The following FLACC1 variants were observed in gnomAD, a reference collection of about 807,000 sequenced individuals.
FLACC1 encodes flagellum-associated coiled-coil domain-containing protein 1.
A neutral mutation model predicts 62.8 loss-of-function variants in FLACC1; 66 were observed. That is an observed-to-expected ratio of 1.05 (90% CI 0.86 to 1.29). The LOEUF is 1.29. FLACC1 is among the 50% of genes most tolerant of loss of function. The probability of loss-of-function intolerance (pLI) is 0.00; values close to 1 mark genes in which losing one functional copy is unlikely to be tolerated. For synonymous variants in FLACC1, 156 were observed against 161.0 expected (o/e 0.97, Z 0.24); for missense variants, 452 against 489.1 (o/e 0.92, Z 0.71).
At chr2:201,302,443 G>C (rs1950005608) in intron 11 of FLACC1, among the ~76,000 whole-genome samples, 1 of 152,106 alleles carries the variant, frequency 6.6e-6, no homozygotes, top group African/African-American at 2.4e-5. Flanking sequence ...AGTCCTTAGA[G>C]ACCTACAAAG....
chr2:201,351,500 C>G (rs1396882604), intron 1 of FLACC1, 49 bp from the exon 2 acceptor site: 16 of 901,102 alleles, frequency 1.8e-5, no homozygotes, highest in Non-Finnish European at 2.8e-5. Flanking sequence ...AGAATCAAAG[C>G]AAAAATACAG....
rs914783825 is a variant in FLACC1, at chr2:201,357,268, T to C, written c.-334A>G. 2.6e-5 allele frequency: 4 copies of C among 152,258 alleles called. No individual in the cohort carries two copies. Among genetic ancestry groups the C allele is most frequent in the African/African-American group, 9.6e-5 (4 of 41,468 alleles). 9.4% of individuals were successfully genotyped at this position (152,258 alleles called of 1,614,324 possible). On this transcript the variant is annotated 5_prime_UTR_variant, in exon 1 of 15. Transcript: ENST00000392257. ...TTCTAAAGACAAAACAGTTGAAGTT[T>C]CTCAGTATTGCAATGAAATTAAACT...
At position 201,326,490 on chromosome 2, in the gene FLACC1, T is replaced by A. The variant is rs1011694044; in HGVS notation, c.675+3980A>T. Among the ~76,000 whole-genome samples, 3 of 152,172 alleles carry A rather than the reference T, an allele frequency of 2.0e-5. No individual in the cohort carries two copies. The highest frequency in any genetic ancestry group is 7.2e-5 in the African/African-American group (3 of 41,426). ...GTGAAGTCTCAGTTTACAAAATCAG[T>A]GTACACATATCAGTAGCACTGCTAT... On this transcript the variant is annotated intron_variant, in intron 9 of 14. Coordinates refer to ENST00000392257, the MANE Select transcript of FLACC1 (RefSeq NM_001127391.3). The surrounding 1 kb of genome is among the most constrained non-coding windows in gnomAD (Gnocchi z 4.1).
chr2:201,359,445 T>A (rs746083752), upstream of FLACC1, among the ~76,000 whole-genome samples: 7 of 152,116 alleles, frequency 4.6e-5, no homozygotes, highest in Non-Finnish European at 8.8e-5. Context: ...TGAGATCACA[T>A]ATAGAGAGAG....
At chr2:201,336,861 C>T (rs1054732443) in intron 7 of FLACC1, among the ~76,000 whole-genome samples, 1 of 151,992 alleles carries the variant, frequency 6.6e-6, no homozygotes, top group African/African-American at 2.4e-5. Context: ...AAGATGATAT[C>T]TTATTGTGTT....
At chr2:201,349,496 C>A (rs143195655) in intron 3 of FLACC1, among the ~76,000 whole-genome samples, 1 of 152,180 alleles carries the variant, frequency 6.6e-6, no homozygotes, top group African/African-American at 2.4e-5. Flanking sequence ...CTTCCTTCCC[C>A]ACTAGAATAT....
chr2:201,298,928 G>A (rs572251748), intron 12 of FLACC1, among the ~76,000 whole-genome samples: 5 of 152,318 alleles, frequency 3.3e-5, no homozygotes, highest in East Asian at 1.9e-4. Flanking sequence ...AGAACTTGGT[G>A]TTTTATAACT....
At chr2:201,294,174 G>A (rs982186364) in intron 12 of FLACC1, among the ~76,000 whole-genome samples, 1 of 152,124 alleles carries the variant, frequency 6.6e-6, no homozygotes, top group African/African-American at 2.4e-5. Flanking sequence ...CATTTTATGA[G>A]GCCAGCATCA....
At chr2:201,324,971 T>C (rs941043486) in intron 9 of FLACC1, among the ~76,000 whole-genome samples, 6 of 151,858 alleles carry the variant, frequency 4.0e-5, no homozygotes, top group Non-Finnish European at 7.4e-5. Flanking sequence ...TTACTAAAAA[T>C]ACAAAAATTA....
intron 4 of FLACC1, 185 bp downstream of exon 4, chr2:201,348,069 G>A (rs554947646): frequency 9.7e-6 from 5 of 515,930 alleles, no homozygotes; most frequent in African/African-American, 6.0e-5. Context: ...ATCTAGCTGA[G>A]CTGAGTTCAA....
chr2:201,296,305 A>G (rs1018811610), intron 12 of FLACC1, among the ~76,000 whole-genome samples: 1 of 152,074 alleles, frequency 6.6e-6, no homozygotes, highest in Admixed American at 6.5e-5. Flanking sequence ...AATGTGGCAC[A>G]TATATACCAT....
chr2:201,291,931 G>T (rs551563591), intron 12 of FLACC1, among the ~76,000 whole-genome samples: 57 of 152,202 alleles, frequency 3.7e-4, no homozygotes, highest in Admixed American at 2.0e-3. Flanking sequence ...TATCAGTGAT[G>T]GAAGATCAAA....
chr2:201,344,082 G>T, intron 6 of FLACC1, 88 bp downstream of exon 6: 1 of 1,185,246 alleles, frequency 8.4e-7, no homozygotes, highest in East Asian at 2.4e-5. Flanking sequence ...TGAGTAAAGT[G>T]CTTGGCATTT....
intron 11 of FLACC1, among the ~76,000 whole-genome samples, chr2:201,300,505 T>C (rs565260336): frequency 9.9e-5 from 15 of 152,238 alleles, no homozygotes; most frequent in African/African-American, 3.4e-4. Context: ...GGGCAGGGCA[T>C]AGCTCAACAA....
rs752717009 is a variant in FLACC1 at position 201,289,436 on chromosome 2, C to A, written c.1142+21G>T. On this transcript the variant is annotated intron_variant, in intron 14 of 14. Transcript: ENST00000392257. ...ACTCCTAAAGAGAACTCAGCTATGT[C>A]TTTTTCAGCAGCAGCCGCACTTCAG... is the stretch of plus-strand genomic sequence containing the variant. 12 of 1,609,700 alleles carry A rather than the reference C, an allele frequency of 7.5e-6. No individual in the cohort carries two copies. In the African/African-American group the frequency reaches 1.5e-4, roughly 20 times the overall value.
At chr2:201,329,056 G>A (rs1391887318) in intron 9 of FLACC1, among the ~76,000 whole-genome samples, 2 of 151,990 alleles carry the variant, frequency 1.3e-5, no homozygotes, top group Non-Finnish European at 2.9e-5. Context: ...TCCCAGTCCA[G>A]CCCATGGTAA....
intron 12 of FLACC1, among the ~76,000 whole-genome samples, chr2:201,298,175 A>T (rs1949905367): frequency 6.6e-6 from 1 of 152,152 alleles, no homozygotes; most frequent in Non-Finnish European, 1.5e-5. Context: ...TCCTTCTCAT[A>T]CAGAGGGTGT....
At chr2:201,354,060 T>G (rs1180093921) in intron 1 of FLACC1, among the ~76,000 whole-genome samples, 1 of 152,216 alleles carries the variant, frequency 6.6e-6, no homozygotes, top group African/African-American at 2.4e-5. Context: ...AAGAACCTGC[T>G]GAAAAAATGA....
At chr2:201,328,226 G>A (rs1950531736) in intron 9 of FLACC1, among the ~76,000 whole-genome samples, 1 of 151,742 alleles carries the variant, frequency 6.6e-6, no homozygotes, top group East Asian at 1.9e-4. Flanking sequence ...CTACTTAGAT[G>A]ATGGGTGCAC....
Sources: gnomAD v4.1 joint callset for allele counts (sites outside exome capture counted in the v4.1 genomes callset) on GRCh38, gnomAD v4.1.1 for gene constraint, Gnocchi (gnomAD v3.1) non-coding constraint, MANE v1.5 for transcripts, NCBI Gene and HGNC (gene_info 2026-07-23, HGNC 2026-07-21) for gene names.